The following ABTB2 variants were observed in gnomAD, a reference collection of about 807,000 sequenced individuals.
ABTB2 encodes the protein ankyrin repeat and BTB/POZ domain-containing protein 2.
ABTB2 carries 56 observed loss-of-function variants against 104.1 expected under a neutral mutation model. That is an observed-to-expected ratio of 0.54 (90% CI 0.43 to 0.67). The LOEUF (loss-of-function observed/expected upper bound fraction) is 0.67, where lower values mean the gene tolerates loss of function less well. Among genes scored for constraint, ABTB2 ranks in the 30% least tolerant of loss-of-function variants. The pLI is 0.00. For missense variants in ABTB2, 1,279 were observed against 1,407.7 expected (o/e 0.91, Z 1.46); for synonymous variants, 606 against 608.2 (o/e 1.00, Z 0.05).
intron 3 of ABTB2, among the ~76,000 whole-genome samples, chr11:34,176,279 C>CCCCCAA (rs1852960149): frequency 1.3e-5 from 1 of 74,834 alleles, no homozygotes. Context: ...GACTCCGTCT[C>CCCCCAA]AAAAAAAAAA....
intron 1 of ABTB2, chr11:34,335,577 C>T (rs773511487): frequency 6.7e-7 from 1 of 1,494,774 alleles, no homozygotes; most frequent in Admixed American, 1.7e-5. Context: ...CACTCTGGCA[C>T]TTTCAAAGTT....
chr11:34,319,660 CTATTTTATTTTATATT>C (rs1854977868), intron 1 of ABTB2, among the ~76,000 whole-genome samples: 1 of 152,068 alleles, frequency 6.6e-6, no homozygotes, highest in East Asian at 1.9e-4. Context: ...GACACCAGGA[CTATTTTATTTTATATT>C]TATTTTATTT....
intron 9 of ABTB2, among the ~76,000 whole-genome samples, chr11:34,164,203 G>A (rs1000243311): frequency 6.6e-6 from 1 of 152,152 alleles, no homozygotes; most frequent in African/African-American, 2.4e-5. Flanking sequence ...TCAGCCTGCT[G>A]CTGTCCCGCC....
Position 34,159,162 on chromosome 11 carries a change from C to G in ABTB2, c.2697+134G>C. 1.5e-5 allele frequency: 10 copies of G among 678,474 alleles called. 1 individual carries two copies. Among genetic ancestry groups the G allele is most frequent in the Middle Eastern group, 4.0e-4 (1 of 2,482 alleles). The allele number at this position is 678,474 out of a possible 1,614,324, so 42.0% of individuals were successfully genotyped here. A position where few individuals can be genotyped will look rare whatever the true frequency, so the allele number is the denominator to read the frequency against. On this transcript the variant is annotated intron_variant, in intron 14 of 16. Coordinates refer to ENST00000435224, the MANE Select transcript of ABTB2 (RefSeq NM_145804.3). Reference sequence around the variant, plus strand: ...CTGCACAGGGAAAGACCTGGATGCTCTATTCATTCAACAGAATACAGAAGG... The same window carrying G: ...CTGCACAGGGAAAGACCTGGATGCTGTATTCATTCAACAGAATACAGAAGG...
At chr11:34,322,938 C>G (rs1297996029) in intron 1 of ABTB2, among the ~76,000 whole-genome samples, 3 of 152,176 alleles carry the variant, frequency 2.0e-5, no homozygotes, top group African/African-American at 7.2e-5. Context: ...GAGATTGAGT[C>G]TCGCTCTATC....
chr11:34,221,120 G>A (rs182848938), intron 1 of ABTB2, among the ~76,000 whole-genome samples: 151 of 152,178 alleles, frequency 9.9e-4, no homozygotes, highest in Non-Finnish European at 1.5e-3. Flanking sequence ...CAAGCCATGC[G>A]CCACCACGCC....
At chr11:34,183,255 C>T (rs1362096735) in intron 3 of ABTB2, among the ~76,000 whole-genome samples, 1 of 152,164 alleles carries the variant, frequency 6.6e-6, no homozygotes, top group Non-Finnish European at 1.5e-5. Context: ...TGTGTGCCAC[C>T]AGACTCGGCT....
chr11:34,298,405 C>T (rs1217568607), intron 1 of ABTB2, among the ~76,000 whole-genome samples: 1 of 146,032 alleles, frequency 6.8e-6, no homozygotes, highest in Non-Finnish European at 1.5e-5. Flanking sequence ...GAGGAATGAT[C>T]TTGTTTCTTT....
chr11:34,204,407 C>CA (rs969591467), intron 2 of ABTB2, 137 bp downstream of exon 2: 3 of 1,076,488 alleles, frequency 2.8e-6, no homozygotes, highest in Non-Finnish European at 3.9e-6. Flanking sequence ...ATCTAGCTTT[C>CA]AGGGAAGGCA....
intron 1 of ABTB2, among the ~76,000 whole-genome samples, chr11:34,333,801 A>G (rs1039602684): frequency 7.2e-5 from 11 of 152,176 alleles, no homozygotes; most frequent in Non-Finnish European, 1.2e-4. Flanking sequence ...TAATGCCTCC[A>G]GCTCAAATCA....
intron 1 of ABTB2, among the ~76,000 whole-genome samples, chr11:34,327,732 T>G (rs1359695849): frequency 6.6e-6 from 1 of 152,120 alleles, no homozygotes; most frequent in Non-Finnish European, 1.5e-5. Flanking sequence ...CTTCCCCCTC[T>G]CCCAGATACG....
At chr11:34,167,206 C>A in intron 7 of ABTB2, 53 bp downstream of exon 7, 4 of 1,510,288 alleles carry the variant, frequency 2.6e-6, no homozygotes, top group Non-Finnish European at 2.7e-6. Flanking sequence ...GTGCTTGGGG[C>A]CCAGGTCACC....
chr11:34,153,216 C>A lies in ABTB2; in HGVS notation c.2881-632G>T, dbSNP rs573443878. Among the ~76,000 whole-genome samples the A allele has an allele frequency of 2.0e-5, 3 of 152,240 alleles. No homozygotes were observed. In the East Asian group the frequency reaches 5.8e-4, roughly 29 times the overall value. ...TGTCACAAAAGTCCTGGGGTCTGGG[C>A]ACGCTGAGAAGGAAGCATGGCAGAG... On this transcript the variant is annotated intron_variant, in intron 16 of 16. Coordinates refer to ENST00000435224, the MANE Select transcript of ABTB2 (RefSeq NM_145804.3).
At chr11:34,184,513 T>C (rs2982605) in intron 3 of ABTB2, among the ~76,000 whole-genome samples, 148,387 of 152,288 alleles carry the variant, frequency 0.97, 72,412 homozygotes, top group East Asian at 1. Flanking sequence ...AGGGCGGCAT[T>C]TCGTGTGGGT....
At chr11:34,216,845 C>T (rs1424344824) in intron 1 of ABTB2, among the ~76,000 whole-genome samples, 1 of 152,174 alleles carries the variant, frequency 6.6e-6, no homozygotes, top group African/African-American at 2.4e-5. Context: ...GGACATCAGA[C>T]CAAATTGAGG....
chr11:34,328,726 T>C (rs1855097403), intron 1 of ABTB2, among the ~76,000 whole-genome samples: 1 of 152,170 alleles, frequency 6.6e-6, no homozygotes, highest in Admixed American at 6.5e-5. Flanking sequence ...TCTAGTTAGT[T>C]GTAGGTACTT....
chr11:34,310,211 A>C (rs1854833307), intron 1 of ABTB2, among the ~76,000 whole-genome samples: 1 of 152,106 alleles, frequency 6.6e-6, no homozygotes, highest in Non-Finnish European at 1.5e-5. Context: ...ATGACTTTCA[A>C]ATCCTTATCT....
intron 1 of ABTB2, among the ~76,000 whole-genome samples, chr11:34,248,096 TAAAAAAAAAAAAAAAA>T (rs1157412906): frequency 8.6e-6 from 1 of 116,234 alleles, no homozygotes; most frequent in Non-Finnish European, 1.8e-5. Context: ...TAATTTTTCT[TAAAAAAAAAAAAAAAA>T]AAAAAAAAAA....
intron 1 of ABTB2, among the ~76,000 whole-genome samples, chr11:34,319,841 G>T (rs1053355099): frequency 6.6e-6 from 1 of 152,116 alleles, no homozygotes; most frequent in African/African-American, 2.4e-5. Flanking sequence ...GCTAATTTTT[G>T]TATTTTTAAT....
Sources: allele counts gnomAD v4.1 joint callset (sites outside exome capture counted in the v4.1 genomes callset), GRCh38; gene constraint gnomAD v4.1.1; transcripts MANE v1.5; gene names NCBI Gene and HGNC (gene_info 2026-07-23, HGNC 2026-07-21).